FSTL4: variants seen among roughly 807,000 people sequenced by gnomAD.
The protein encoded by FSTL4 is follistatin like 4, also known as follistatin-related protein 4.
In FSTL4, 28 loss-of-function variants were observed where a neutral mutation model predicts 78.2. The ratio of observed to expected loss-of-function variants is 0.36; its 90% confidence interval spans 0.27 to 0.49. FSTL4 has a LOEUF of 0.49. Among genes scored for constraint, FSTL4 ranks in the 20% least tolerant of loss-of-function variants. FSTL4 has a pLI of 0.98. For missense variants in FSTL4, 922 were observed against 1,084.9 expected, an observed-to-expected ratio of 0.85 and a Z score of 2.11; for synonymous variants, 422 against 440.5, an observed-to-expected ratio of 0.96 and a Z score of 0.53.
intron 6 of FSTL4, among the ~76,000 whole-genome samples, chr5:133,250,625 G>A (rs1752196430): frequency 6.6e-6 from 1 of 152,284 alleles, no homozygotes; most frequent in Admixed American, 6.5e-5. Flanking sequence ...CGGGACGCTT[G>A]TGAGCTGTGA....
chr5:133,338,201 G>A lies in FSTL4; in HGVS notation c.410-21549C>T, dbSNP rs1310144002. On this transcript the variant is annotated intron_variant, in intron 4 of 15. Coordinates refer to ENST00000265342, the MANE Select transcript of FSTL4 (RefSeq NM_015082.2). The surrounding 1 kb of genome is among the most constrained non-coding windows in gnomAD (Gnocchi z 4.0). ...TCTAGATGACTCGGGTCACTCACTG[G>A]CCCTGGCCCTGATGACCCCCCGGGT... 2.0e-5 allele frequency among the ~76,000 whole-genome samples: 3 copies of A among 152,156 alleles called. No homozygotes were observed. Among genetic ancestry groups the A allele is most frequent in the Non-Finnish European group, 2.9e-5 (2 of 68,032 alleles).
chr5:133,553,221 C>G lies in FSTL4; in HGVS notation c.160+13965G>C, dbSNP rs180896103. On this transcript the variant is annotated intron_variant, in intron 3 of 15. Coordinates refer to ENST00000265342, the MANE Select transcript of FSTL4 (RefSeq NM_015082.2). ...GACTAATAGCCTGGACCAGCATCTT[C>G]CCCTCTTTTCCGAGGCATGGCAGCA... 2.1e-4 allele frequency among the ~76,000 whole-genome samples: 32 copies of G among 152,312 alleles called. No individual in the cohort carries two copies. In the East Asian group the frequency reaches 5.8e-3, roughly 28 times the overall value.
At chr5:133,735,770 T>C in the FSTL4 span, among the ~76,000 whole-genome samples, 1 of 152,204 alleles carries the variant, frequency 6.6e-6, no homozygotes, top group Non-Finnish European at 1.5e-5. Context: ...ATTCTATTGT[T>C]ATGACCCCTC....
intron 3 of FSTL4, among the ~76,000 whole-genome samples, chr5:133,563,348 T>G (rs1759961865): frequency 6.6e-6 from 1 of 152,200 alleles, no homozygotes; most frequent in South Asian, 2.1e-4. Flanking sequence ...TTGGATGTGA[T>G]GAAGCAAGAT....
chr5:133,578,243 G>A (rs1267564554), intron 2 of FSTL4, among the ~76,000 whole-genome samples: 4 of 152,232 alleles, frequency 2.6e-5, no homozygotes, highest in African/African-American at 7.2e-5. Flanking sequence ...CTTGTGGGCA[G>A]ACCTGGGAAT....
intron 4 of FSTL4, among the ~76,000 whole-genome samples, chr5:133,369,891 C>T (rs1755255564): frequency 6.6e-6 from 1 of 152,180 alleles, no homozygotes; most frequent in Admixed American, 6.5e-5. Flanking sequence ...GGACACAGGG[C>T]AGCTAGCTAT....
chr5:133,323,728 G>A (rs1754132139), intron 4 of FSTL4, among the ~76,000 whole-genome samples: 1 of 152,216 alleles, frequency 6.6e-6, no homozygotes, highest in Non-Finnish European at 1.5e-5. Flanking sequence ...CATGCGTGGG[G>A]CTCCTCCTGC....
the FSTL4 span, among the ~76,000 whole-genome samples, chr5:133,825,967 G>A: frequency 1.3e-5 from 2 of 152,248 alleles, no homozygotes; most frequent in African/African-American, 2.4e-5. Flanking sequence ...TCGCCTGCCG[G>A]TGAGGCTGCA....
intron 14 of FSTL4, among the ~76,000 whole-genome samples, chr5:133,203,130 T>A (rs1438776840): frequency 1.3e-5 from 2 of 152,202 alleles, no homozygotes; most frequent in Non-Finnish European, 2.9e-5. Context: ...AGTGGTCCGA[T>A]GAGGGGCTTA....
the FSTL4 span, among the ~76,000 whole-genome samples, chr5:133,645,715 T>A: frequency 6.6e-6 from 1 of 151,462 alleles, no homozygotes; most frequent in South Asian, 2.1e-4. Context: ...CTCATGAGAG[T>A]GAGGAAGAGG....
At chr5:133,331,807 G>A (rs1206497505) in intron 4 of FSTL4, among the ~76,000 whole-genome samples, 3 of 152,178 alleles carry the variant, frequency 2.0e-5, no homozygotes, top group African/African-American at 7.2e-5. Context: ...GATCTTTGGA[G>A]TATTTCCAGG....
chr5:133,249,593 G>A lies in FSTL4; in HGVS notation c.728-17C>T, dbSNP rs140626749. ...GAACCACTTCTGCAGAGGGAAAGGA[G>A]GAGGCACGGTCAGGTGCAGGCCCAG... On this transcript the variant is annotated splice_polypyrimidine_tract_variant and intron_variant, in intron 6 of 15. Transcript: ENST00000265342. The A allele has an allele frequency of 2.6e-3, 4,187 of 1,601,976 alleles. 78 individuals are homozygous for A. In the Admixed American group the frequency reaches 0.035, roughly 13 times the overall value.
intron 4 of FSTL4, among the ~76,000 whole-genome samples, chr5:133,359,475 G>A (rs1275118170): frequency 6.6e-6 from 1 of 152,192 alleles, no homozygotes; most frequent in Non-Finnish European, 1.5e-5. Flanking sequence ...TTTAGAATAG[G>A]CAAACGAACT....
intron 11 of FSTL4, 104 bp from the exon 12 acceptor site, chr5:133,220,970 T>G: frequency 3.8e-6 from 3 of 779,898 alleles, no homozygotes; most frequent in African/African-American, 1.7e-5. Flanking sequence ...TGGATGCATC[T>G]GGTGCAGGCA....
the FSTL4 span, among the ~76,000 whole-genome samples, chr5:133,770,491 T>C: frequency 1.3e-5 from 2 of 152,308 alleles, no homozygotes; most frequent in South Asian, 4.2e-4. Context: ...TGTTGAGCAG[T>C]GTTTTCATAT....
the FSTL4 span, among the ~76,000 whole-genome samples, chr5:133,776,901 T>A: frequency 6.6e-6 from 1 of 152,332 alleles, no homozygotes; most frequent in East Asian, 1.9e-4. Flanking sequence ...TCCCACTGAC[T>A]TGGCTTACCC....
At chr5:133,822,694 A>G in the FSTL4 span, among the ~76,000 whole-genome samples, 1 of 152,200 alleles carries the variant, frequency 6.6e-6, no homozygotes, top group East Asian at 1.9e-4. Flanking sequence ...ACATTTCAAC[A>G]AGAATATGAA....
the FSTL4 span, among the ~76,000 whole-genome samples, chr5:133,706,707 A>C: frequency 3.9e-5 from 6 of 152,076 alleles, no homozygotes; most frequent in Non-Finnish European, 7.4e-5. Context: ...TGACCAGCCC[A>C]CTTCCACGAG....
At position 133,217,295 on chromosome 5, in the gene FSTL4, G is replaced by C. The variant is rs780917574; in HGVS notation, c.1542C>G (p.Ile514Met). ...TGCTCAGTGCTGGCTGGGCCACATA[G>C]ATGTACCGGTTCCGGACATTGACTG... Reference protein sequence around the residue: ...VSAVNVRNRYIYVAQPALSRV... With the variant: ...VSAVNVRNRYMYVAQPALSRV... Residue 514 changes from isoleucine to methionine, a missense_variant, in exon 13 of 16, where the codon ATC becomes ATG. By Grantham distance (10) the Ile-to-Met change is conservative. Coordinates refer to ENST00000265342, the MANE Select transcript of FSTL4 (RefSeq NM_015082.2). 2 of 1,613,926 alleles carry C rather than the reference G, an allele frequency of 1.2e-6. No individual in the cohort carries two copies. The highest frequency in any genetic ancestry group is 1.7e-5 in the Admixed American group (1 of 60,016).
Sources: gnomAD v4.1 joint callset for allele counts (sites outside exome capture counted in the v4.1 genomes callset) on GRCh38, gnomAD v4.1.1 for gene constraint, Gnocchi (gnomAD v3.1) non-coding constraint, MANE v1.5 for transcripts, NCBI Gene and HGNC (gene_info 2026-07-23, HGNC 2026-07-21) for gene names.